Variants in NR2E1 observed in about 807,000 individuals in gnomAD.
NR2E1 encodes the protein nuclear receptor subfamily 2 group E member 1.
NR2E1 carries 5 observed loss-of-function variants against 43.6 expected under a neutral mutation model. The observed-to-expected ratio is 0.11, with a 90% confidence interval of 0.06 to 0.24. The LOEUF (loss-of-function observed/expected upper bound fraction) is 0.24. Among genes scored for constraint, NR2E1 ranks in the 10% least tolerant of loss-of-function variants. The pLI, the probability that NR2E1 is intolerant of heterozygous loss-of-function variation, is 1.00. For synonymous variants in NR2E1, 191 were observed against 195.5 expected (o/e 0.98, Z 0.19); for missense variants, 287 against 496.7 (o/e 0.58, Z 4.01).
intron 8 of NR2E1, among the ~76,000 whole-genome samples, chr6:108,186,746 G>A (rs1331753502): frequency 6.6e-6 from 1 of 152,174 alleles, no homozygotes; most frequent in Non-Finnish European, 1.5e-5. Context: ...TGACATGAGA[G>A]TTGGGTGGCA....
Position 108,166,579 on chromosome 6 carries a change from T to G in NR2E1, c.-187T>G, listed in dbSNP as rs930586168. 1.9e-6 allele frequency: 1 copy of G among 525,222 alleles called. No homozygotes were observed. Among genetic ancestry groups the G allele is most frequent in the Non-Finnish European group, 3.3e-6 (1 of 305,304 alleles). The allele number at this position is 525,222 out of a possible 1,614,324, so 32.5% of individuals were successfully genotyped here. On this transcript the variant is annotated 5_prime_UTR_variant, in exon 1 of 9. Coordinates refer to ENST00000368986, the MANE Select transcript of NR2E1 (RefSeq NM_003269.5). The surrounding 1 kb of genome is among the most constrained non-coding windows in gnomAD (Gnocchi z 7.2). ...GAAGAAACTTAAGGATGCTTAAATT[T>G]CCACTGTTGGACGAATTCTGAGCGC...
chr6:108,168,306 C>A, intron 1 of NR2E1: 1 of 765,210 alleles, frequency 1.3e-6, no homozygotes, highest in Non-Finnish European at 2.0e-6. Context: ...CTAGCTCGCT[C>A]GCCCCGGGAC....
chr6:108,179,492 C>CTGTGTGTG (rs34907033), intron 5 of NR2E1, among the ~76,000 whole-genome samples: 3,430 of 131,354 alleles, frequency 0.026, 83 homozygotes, highest in African/African-American at 0.054. Flanking sequence ...TAACCACTTC[C>CTGTGTGTG]TGTGTGTGTG....
At chr6:108,177,640 G>C (rs1562404971) in intron 4 of NR2E1, among the ~76,000 whole-genome samples, 1 of 152,260 alleles carries the variant, frequency 6.6e-6, no homozygotes. Context: ...GAATGATTAA[G>C]ATGTCTAATT....
intron 8 of NR2E1, among the ~76,000 whole-genome samples, chr6:108,186,962 C>T (rs541559702): frequency 4.6e-5 from 7 of 152,176 alleles, no homozygotes; most frequent in East Asian, 3.9e-4. Flanking sequence ...ATGCCCTGGT[C>T]GTTTTCTATA....
Position 108,180,849 on chromosome 6 carries a change from T to A in NR2E1, c.782T>A (p.Ile261Asn). Residue 261 changes from isoleucine (I) to asparagine (N), a missense_variant, in exon 7 of 9, where the codon ATC becomes AAC. This residue lies in a region of NR2E1 where 119 missense variants were observed against 187.0 expected (regional missense o/e 0.64). Transcript: ENST00000368986. This position sits in a 1 kb window ranked among gnomAD's most constrained non-coding sequence, Gnocchi z 5.4. ...DNTDSQKLNK[I>N]ISEIQALQEV... is the part of the protein sequence containing the mutation. Reference sequence around the variant, plus strand: ...ACAGATTCCCAGAAGCTGAACAAGATCATATCTGAAATACAGGCTTTACAA... The same window carrying A: ...ACAGATTCCCAGAAGCTGAACAAGAACATATCTGAAATACAGGCTTTACAA... 6.2e-7 allele frequency: 1 copy of A among 1,614,126 alleles called. No homozygotes were observed. Among genetic ancestry groups the A allele is most frequent in the Non-Finnish European group, 8.5e-7 (1 of 1,179,938 alleles).
At chr6:108,176,461 G>A in intron 3 of NR2E1, 42 bp from the exon 4 acceptor site, 1 of 1,592,604 alleles carries the variant, frequency 6.3e-7, no homozygotes, top group Non-Finnish European at 8.6e-7. Flanking sequence ...GTGTCTCGAC[G>A]TCTCTAATCG....
chr6:108,175,041 C>T (rs1184154944), intron 3 of NR2E1, 118 bp downstream of exon 3: 1 of 951,422 alleles, frequency 1.1e-6, no homozygotes, highest in Non-Finnish European at 1.6e-6. Flanking sequence ...TTTCCAGATG[C>T]TGGGAATTGG....
At chr6:108,178,440 C>T (rs1003975876) in intron 5 of NR2E1, among the ~76,000 whole-genome samples, 199 bp downstream of exon 5, 3 of 152,148 alleles carry the variant, frequency 2.0e-5, no homozygotes, top group South Asian at 2.1e-4. Context: ...TAGTAAGAAA[C>T]GTAATTACAT....
chr6:108,175,227 T>A (rs530653690), intron 3 of NR2E1, among the ~76,000 whole-genome samples: 99 of 152,342 alleles, frequency 6.5e-4, no homozygotes, highest in Non-Finnish European at 1.2e-3. Context: ...ATTTTCTGCC[T>A]CCGGTCCTAA....
In NR2E1 at chr6:108,187,816, C is replaced by T; in HGVS notation, c.*353C>T. On this transcript the variant is annotated 3_prime_UTR_variant, in exon 9 of 9. Transcript: ENST00000368986. The stretch of plus-strand genomic sequence containing the variant: ...AGCTGAAACATAAGTAGTGCTTTCT[C>T]TTCCTTTTTAGCATACAAAGTTTGG... 3.1e-6 allele frequency: 1 copy of T among 322,622 alleles called. No homozygotes were observed. The highest frequency in any genetic ancestry group is 6.0e-6 in the Non-Finnish European group (1 of 165,456). The allele number at this position is 322,622 out of a possible 1,614,324, so 20.0% of individuals were successfully genotyped here.
At chr6:108,181,189 T>C (rs1773979876) in intron 7 of NR2E1, among the ~76,000 whole-genome samples, 1 of 152,164 alleles carries the variant, frequency 6.6e-6, no homozygotes, top group Admixed American at 6.5e-5. Context: ...CTTTCTTTTT[T>C]TTTATTTTTT....
Position 108,171,461 on chromosome 6 carries a change from G to T in NR2E1, c.29G>T (p.Arg10Leu). 1.2e-6 allele frequency: 2 copies of T among 1,613,366 alleles called. No individual in the cohort carries two copies. Among genetic ancestry groups the T allele is most frequent in the Non-Finnish European group, 1.7e-6 (2 of 1,179,866 alleles). Reference protein sequence around the residue: MSKPAGSTSRILDIPCKVCG... With the variant: MSKPAGSTSLILDIPCKVCG... Reference sequence around the variant, plus strand: ...CCCGTCTTTCCTGCGATTTCAGGCCGCATTTTAGATATCCCCTGCAAAGTG... The same window carrying T: ...CCCGTCTTTCCTGCGATTTCAGGCCTCATTTTAGATATCCCCTGCAAAGTG... The change falls in exon 2 of 9, where the codon CGC (arginine) becomes CTC (leucine). Residue 10 changes from arginine to leucine, a missense_variant. Physicochemically the swap from Arg to Leu is moderately radical, Grantham distance 102. Coordinates refer to ENST00000368986, the MANE Select transcript of NR2E1 (RefSeq NM_003269.5).
chr6:108,171,365 CAT>C (rs1459457012), intron 1 of NR2E1, 91 bp from the exon 2 acceptor site: 19 of 1,322,910 alleles, frequency 1.4e-5, no homozygotes, highest in Non-Finnish European at 2.1e-5. Context: ...GATTGCTTAG[CAT>C]CTCTCTCTCC....
chr6:108,174,427 T>C (rs949046963), intron 2 of NR2E1, among the ~76,000 whole-genome samples: 1 of 152,106 alleles, frequency 6.6e-6, no homozygotes, highest in Non-Finnish European at 1.5e-5. Flanking sequence ...AGGAACTTAG[T>C]GGCCTCTTTC....
intron 7 of NR2E1, among the ~76,000 whole-genome samples, chr6:108,181,256 C>G (rs1181644813): frequency 6.6e-6 from 1 of 152,024 alleles, no homozygotes; most frequent in African/African-American, 2.4e-5. Flanking sequence ...TCCAATGGCA[C>G]CATCTCAGCT....
chr6:108,183,230 G>A (rs1021215117), intron 8 of NR2E1, among the ~76,000 whole-genome samples: 2 of 151,958 alleles, frequency 1.3e-5, no homozygotes, highest in Admixed American at 1.3e-4. Flanking sequence ...GGCTGAGGTG[G>A]CTCCACACCT....
chr6:108,168,152 A>G, intron 1 of NR2E1: 5 of 1,597,398 alleles, frequency 3.1e-6, no homozygotes, highest in Non-Finnish European at 4.3e-6. Context: ...CGCTGTTGGA[A>G]TCTCCAGGAG....
Position 108,187,597 on chromosome 6 carries a change from A to G in NR2E1, c.*134A>G. The G allele has an allele frequency of 4.0e-6, 4 of 996,926 alleles. No individual in the cohort carries two copies. Among genetic ancestry groups the G allele is most frequent in the Admixed American group, 1.8e-5 (1 of 55,424 alleles). 61.8% of individuals were successfully genotyped at this position (996,926 alleles called of 1,614,324 possible). A position where few individuals can be genotyped will look rare whatever the true frequency, so the allele number is the denominator to read the frequency against. ...TGTAGCCTTCAGGAAAAAAATGCCA[A>G]TTGACACAAAGCATTCCAGTAGCTA... On this transcript the variant is annotated 3_prime_UTR_variant, in exon 9 of 9. Transcript: ENST00000368986.
Sources: gnomAD v4.1 joint callset for allele counts (sites outside exome capture counted in the v4.1 genomes callset) on GRCh38, gnomAD v4.1.1 for gene constraint, gnomAD v4.1.1 regional missense constraint, Gnocchi (gnomAD v3.1) non-coding constraint, MANE v1.5 for transcripts, NCBI Gene and HGNC (gene_info 2026-07-23, HGNC 2026-07-21) for gene names.